Variants in ANK3 observed in about 807,000 individuals in gnomAD.
The protein encoded by ANK3 is ankyrin 3, also known as ankyrin-3.
ANK3 carries 57 observed loss-of-function variants against 370.9 expected under a neutral mutation model. The observed-to-expected ratio is 0.15, with a 90% CI of 0.12 to 0.19. The LOEUF (loss-of-function observed/expected upper bound fraction) is 0.19. Ranked by LOEUF, ANK3 falls within the 10% of genes least tolerant of loss-of-function variation. ANK3 has a pLI of 1.00. For synonymous variants in ANK3, 1,929 were observed against 1,946.3 expected (o/e 0.99, Z 0.23); for missense variants, 4,439 against 5,302.1 (o/e 0.84, Z 5.06).
chr10:60,325,367 T>C (rs1274381932), intron 1 of ANK3, among the ~76,000 whole-genome samples: 3 of 152,208 alleles, frequency 2.0e-5, no homozygotes, highest in Non-Finnish European at 4.4e-5. Flanking sequence ...TTTTGGCCAA[T>C]GGGTGGTAGG....
intron 25 of ANK3, among the ~76,000 whole-genome samples, chr10:60,131,495 T>G (rs990116017): frequency 5.3e-5 from 8 of 152,248 alleles, no homozygotes; most frequent in Admixed American, 5.2e-4. Context: ...GTGTTCATGA[T>G]GTCCACAGAG....
intron 8 of ANK3, among the ~76,000 whole-genome samples, chr10:60,215,410 G>C (rs141849930): frequency 3.9e-5 from 6 of 152,066 alleles, no homozygotes. Context: ...TGCTTTTGGC[G>C]TTTTTGTCAT....
At chr10:60,079,174 T>TACAC (rs58239281) in intron 36 of ANK3, among the ~76,000 whole-genome samples, 14,014 of 113,644 alleles carry the variant, frequency 0.12, 1,060 homozygotes, top group East Asian at 0.19. Context: ...GCTACCTAGC[T>TACAC]ACACACACAC....
At chr10:60,539,343 A>T (rs577312404) in intron 2 of ANK3, among the ~76,000 whole-genome samples, 2 of 152,074 alleles carry the variant, frequency 1.3e-5, no homozygotes, top group Admixed American at 1.3e-4. Flanking sequence ...AAGAAATAGC[A>T]CTTTTGAGTT....
intron 39 of ANK3, 79 bp downstream of exon 39, chr10:60,064,078 G>T: frequency 7.5e-7 from 1 of 1,325,772 alleles, no homozygotes; most frequent in Non-Finnish European, 1.0e-6. Context: ...ACACTACTTG[G>T]ATGAACCTAA....
chr10:60,510,905 G>T (rs1404457664), intron 2 of ANK3, among the ~76,000 whole-genome samples: 1 of 152,124 alleles, frequency 6.6e-6, no homozygotes, highest in Non-Finnish European at 1.5e-5. Context: ...TGGGATTCCA[G>T]CCTATGCCTC....
chr10:60,641,443 A>G (rs1403891716), intron 1 of ANK3, among the ~76,000 whole-genome samples: 4 of 151,866 alleles, frequency 2.6e-5, no homozygotes, highest in Admixed American at 2.0e-4. Flanking sequence ...ATATAGATCA[A>G]TGGAACAGAA....
chr10:60,617,922 T>C (rs2078286016), intron 1 of ANK3, among the ~76,000 whole-genome samples: 1 of 152,206 alleles, frequency 6.6e-6, no homozygotes, highest in Non-Finnish European at 1.5e-5. Context: ...AACACAGATA[T>C]TCTAGTCTTT....
Position 60,186,889 on chromosome 10 carries a change from G to T in ANK3, c.1911C>A (p.Ile637=). 1.9e-6 allele frequency: 3 copies of T among 1,614,082 alleles called. No homozygotes were observed. The highest frequency in any genetic ancestry group is 1.1e-5 in the South Asian group (1 of 91,070). Residue 637 remains isoleucine (I), a synonymous_variant, in exon 17 of 44, where the codon ATC becomes ATA. Transcript: ENST00000280772. ...TGTCCATCTGGTTCTTTTTGGCAGC[G>T]ATGTGCAGTGGCGTATAACCATTCT... ...AAKNGYTPLH[I]AAKKNQMDIA...
At chr10:60,602,935 A>C (rs1175740158) in intron 2 of ANK3, among the ~76,000 whole-genome samples, 1 of 152,092 alleles carries the variant, frequency 6.6e-6, no homozygotes, top group Non-Finnish European at 1.5e-5. Context: ...TTCATTTCAC[A>C]CATTTAAATT....
chr10:60,319,893 C>T (rs2048263774), intron 1 of ANK3, among the ~76,000 whole-genome samples: 1 of 152,170 alleles, frequency 6.6e-6, no homozygotes, highest in African/African-American at 2.4e-5. Context: ...CTAGTCACCC[C>T]AACTTTCCCC....
rs377753759 is a variant in ANK3, at chr10:60,602,170, CA to C, written c.96+13015del. Reference sequence around the variant, plus strand: ...TATTTCTCACAAAAATCCATAAAATCAGTATTATTATTTATGCAGAAGACTT... The same window carrying C: ...TATTTCTCACAAAAATCCATAAAATCGTATTATTATTTATGCAGAAGACTT... On this transcript the variant is annotated intron_variant, in intron 2 of 43. Coordinates refer to the ANK3 transcript ENST00000373827. 3.6e-4 allele frequency among the ~76,000 whole-genome samples: 55 copies of C among 152,176 alleles called. No homozygotes were observed. The East Asian group carries it at 9.3e-3, about 26-fold the overall frequency.
chr10:60,674,550 C>T (rs920488785), intron 1 of ANK3, among the ~76,000 whole-genome samples: 9 of 152,172 alleles, frequency 5.9e-5, no homozygotes. Flanking sequence ...AATCTGCCTG[C>T]ATGACCCAAG....
intron 2 of ANK3, among the ~76,000 whole-genome samples, chr10:60,516,352 G>C (rs1456919440): frequency 6.6e-6 from 1 of 152,112 alleles, no homozygotes; most frequent in Admixed American, 6.6e-5. Context: ...CTGGGAGCCA[G>C]GATCTGTTCT....
At chr10:60,322,053 A>G (rs1015418726) in intron 1 of ANK3, among the ~76,000 whole-genome samples, 9 of 152,194 alleles carry the variant, frequency 5.9e-5, no homozygotes, top group Non-Finnish European at 1.0e-4. Flanking sequence ...TTGAGTATCT[A>G]AAGTTGTCTT....
intron 2 of ANK3, among the ~76,000 whole-genome samples, chr10:60,501,586 T>C (rs2075797497): frequency 6.6e-6 from 1 of 151,290 alleles, no homozygotes; most frequent in Admixed American, 6.6e-5. Context: ...ACACCTGTAA[T>C]GCCAGCTAGC....
At chr10:60,156,139 A>T (rs2095321792) in intron 23 of ANK3, among the ~76,000 whole-genome samples, 1 of 152,212 alleles carries the variant, frequency 6.6e-6, no homozygotes, top group East Asian at 1.9e-4. Flanking sequence ...GTGGTGGCCA[A>T]GGGTGTGCCT....
chr10:60,501,753 T>C (rs116502039), intron 2 of ANK3, among the ~76,000 whole-genome samples: 3,547 of 150,916 alleles, frequency 0.024, 132 homozygotes, highest in African/African-American at 0.081. Flanking sequence ...AACTTGTCCT[T>C]TAAAAGAGGA....
At chr10:60,695,165 T>C (rs1304915991) in intron 1 of ANK3, among the ~76,000 whole-genome samples, 1 of 152,132 alleles carries the variant, frequency 6.6e-6, no homozygotes, top group Non-Finnish European at 1.5e-5. Flanking sequence ...CATTACATAA[T>C]GGTAAAGGGA....
Sources: allele counts gnomAD v4.1 joint callset (sites outside exome capture counted in the v4.1 genomes callset), GRCh38; gene constraint gnomAD v4.1.1; transcripts MANE v1.5; gene names NCBI Gene and HGNC (gene_info 2026-07-23, HGNC 2026-07-21).